The following TMEM71 variants were observed in gnomAD, a reference collection of about 807,000 sequenced individuals.
TMEM71 encodes transmembrane protein 71.
Under a neutral mutation model 38.0 loss-of-function variants are expected in TMEM71, and 44 were observed. That is an observed-to-expected ratio of 1.16 (90% CI 0.91 to 1.49). The LOEUF is 1.49. Ranked by LOEUF, TMEM71 falls within the 40% of genes most tolerant of loss-of-function variation. The probability of loss-of-function intolerance (pLI) is 0.00; values close to 1 mark genes in which losing one functional copy is unlikely to be tolerated. For synonymous variants in TMEM71, 133 were observed against 122.5 expected (o/e 1.09, Z -0.56); for missense variants, 367 against 348.6 (o/e 1.05, Z -0.42).
chr8:132,749,715 G>A (rs976575205), intron 4 of TMEM71, among the ~76,000 whole-genome samples: 1 of 152,118 alleles, frequency 6.6e-6, no homozygotes, highest in Non-Finnish European at 1.5e-5. Context: ...ACAATTACAT[G>A]AGCAAGAAAT....
At chr8:132,761,112 G>A (rs1829285942), upstream of TMEM71, among the ~76,000 whole-genome samples, 1 of 152,152 alleles carries the variant, frequency 6.6e-6, no homozygotes, top group Non-Finnish European at 1.5e-5. Context: ...CATTATAGTA[G>A]AGCTCAAAGA....
At chr8:132,716,720 A>G (rs967587657) in intron 7 of TMEM71, among the ~76,000 whole-genome samples, 11 of 152,186 alleles carry the variant, frequency 7.2e-5, no homozygotes, top group Admixed American at 2.6e-4. Context: ...ACTGTATTCA[A>G]TGCTTGTACT....
chr8:132,722,000 A>T, intron 7 of TMEM71, 40 bp downstream of exon 7: 2 of 1,521,028 alleles, frequency 1.3e-6, no homozygotes, highest in Non-Finnish European at 1.8e-6. Flanking sequence ...AGTTTCACTA[A>T]TTATGAAATA....
At chr8:132,711,005 G>A in intron 9 of TMEM71, 23 bp from the exon 10 acceptor site, 1 of 1,605,002 alleles carries the variant, frequency 6.2e-7, no homozygotes, top group Non-Finnish European at 8.5e-7. Flanking sequence ...AATAAGAAAA[G>A]AAATGCATAA....
intron 7 of TMEM71, among the ~76,000 whole-genome samples, chr8:132,721,445 C>T (rs1400292108): frequency 6.6e-6 from 1 of 152,006 alleles, no homozygotes; most frequent in Non-Finnish European, 1.5e-5. Flanking sequence ...TTAACAGGAG[C>T]CACTTCTCTT....
downstream of TMEM71, among the ~76,000 whole-genome samples, chr8:132,708,936 A>T (rs1410319747): frequency 1.3e-5 from 2 of 151,892 alleles, no homozygotes; most frequent in African/African-American, 2.4e-5. Flanking sequence ...TTTTGGACTG[A>T]CCCCCAAAAC....
intron 7 of TMEM71, among the ~76,000 whole-genome samples, chr8:132,715,838 A>G (rs1826496752): frequency 6.6e-6 from 1 of 152,224 alleles, no homozygotes; most frequent in Non-Finnish European, 1.5e-5. Flanking sequence ...AGTTTTCTGT[A>G]TTAATCATAT....
intron 2 of TMEM71, among the ~76,000 whole-genome samples, chr8:132,757,783 T>A (rs2433054): frequency 1.4e-5 from 2 of 146,052 alleles, no homozygotes; most frequent in Non-Finnish European, 1.5e-5. Flanking sequence ...CTGAGATCGC[T>A]CCACTGCACT....
chr8:132,747,188 G>T, intron 4 of TMEM71, 74 bp from the exon 5 acceptor site: 1 of 1,320,532 alleles, frequency 7.6e-7, no homozygotes, highest in Non-Finnish European at 1.0e-6. Flanking sequence ...TTGAAGCGCA[G>T]AGTACATTTC....
In TMEM71 at chr8:132,710,987, A is replaced by G. The variant is rs775801869; in HGVS notation, c.873-5T>C. ...GGTTGTCAAATTTTGACAAACCTAG[A>G]TTGGAGAAATAAGAAAAGAAATGCA... is the stretch of plus-strand genomic sequence containing the variant. On this transcript the variant is annotated splice_polypyrimidine_tract_variant and splice_region_variant and intron_variant, in intron 9 of 9. Transcript: ENST00000677595. The G allele has an allele frequency of 8.7e-6, 14 of 1,607,204 alleles. No homozygotes were observed. Among genetic ancestry groups the G allele is most frequent in the Non-Finnish European group, 9.3e-6 (11 of 1,177,936 alleles).
intron 6 of TMEM71, among the ~76,000 whole-genome samples, chr8:132,726,548 G>A (rs1827152663): frequency 6.6e-6 from 1 of 152,192 alleles, no homozygotes; most frequent in South Asian, 2.1e-4. Flanking sequence ...TCTCCATGTA[G>A]AGATAAAAAT....
chr8:132,733,744 GCAGCC>G (rs914857195), intron 5 of TMEM71, among the ~76,000 whole-genome samples: 8 of 152,214 alleles, frequency 5.3e-5, no homozygotes, highest in Non-Finnish European at 8.8e-5. Flanking sequence ...AGATGCGGAA[GCAGCC>G]TAAGTATCCT....
intron 5 of TMEM71, among the ~76,000 whole-genome samples, chr8:132,739,398 G>A (rs1237066300): frequency 3.3e-5 from 5 of 152,122 alleles, no homozygotes; most frequent in Non-Finnish European, 5.9e-5. Flanking sequence ...TGCAAGCTCC[G>A]CCTCCCAGGT....
At chr8:132,728,645 A>T (rs540006895) in intron 5 of TMEM71, among the ~76,000 whole-genome samples, 1 of 152,366 alleles carries the variant, frequency 6.6e-6, no homozygotes, top group East Asian at 1.9e-4. Flanking sequence ...TGAAGTTTGT[A>T]TAGATGGATT....
At chr8:132,721,923 G>A (rs1341483295) in intron 7 of TMEM71, 117 bp downstream of exon 7, 20 of 866,592 alleles carry the variant, frequency 2.3e-5, no homozygotes, top group South Asian at 5.4e-5. Context: ...ACACATGAAC[G>A]AATCTCAACC....
intron 5 of TMEM71, among the ~76,000 whole-genome samples, chr8:132,746,488 CAT>C (rs58252714): frequency 5.5e-5 from 3 of 54,302 alleles, no homozygotes; most frequent in African/African-American, 1.3e-4. Context: ...TATATATATA[CAT>C]ATATATACAT....
At chr8:132,732,456 T>C (rs1377530005) in intron 5 of TMEM71, among the ~76,000 whole-genome samples, 1 of 152,114 alleles carries the variant, frequency 6.6e-6, no homozygotes, top group Non-Finnish European at 1.5e-5. Context: ...AGCATGTGCA[T>C]GAGGTCAGTC....
At chr8:132,747,520 G>A (rs967498637) in intron 4 of TMEM71, among the ~76,000 whole-genome samples, 4 of 152,202 alleles carry the variant, frequency 2.6e-5, no homozygotes, top group African/African-American at 9.7e-5. Context: ...GATAGGTTAA[G>A]TCACTTGGCT....
At position 132,725,253 on chromosome 8, in the gene TMEM71, C is replaced by G. The variant is rs139969728; in HGVS notation, c.676+2545G>C. ...CCATGTTGCCTAGGCTGGTCTCCAACTCCTGGGCTCAAACGATCCTGTCAC... is the reference window on the plus strand; with the variant it reads ...CCATGTTGCCTAGGCTGGTCTCCAAGTCCTGGGCTCAAACGATCCTGTCAC... On this transcript the variant is annotated intron_variant, in intron 6 of 9. Transcript: ENST00000677595. 4.7e-3 allele frequency among the ~76,000 whole-genome samples: 715 copies of G among 152,278 alleles called. 4 individuals are homozygous for G. The highest frequency in any genetic ancestry group is 0.016 in the African/African-American group (684 of 41,564).
Sources: gnomAD v4.1 joint callset for allele counts (sites outside exome capture counted in the v4.1 genomes callset) on GRCh38, gnomAD v4.1.1 for gene constraint, MANE v1.5 for transcripts, NCBI Gene and HGNC (gene_info 2026-07-23, HGNC 2026-07-21) for gene names.